The following SPMAP2 variants were observed in gnomAD, a reference collection of about 807,000 sequenced individuals.
The protein encoded by SPMAP2 is sperm microtubule associated protein 2, also known as Theg homolog.
At chr19:368,236 G>A in the SPMAP2 span, among the ~76,000 whole-genome samples, 1 of 152,146 alleles carries the variant, frequency 6.6e-6, no homozygotes, top group African/African-American at 2.4e-5. This position sits in a 1 kb window ranked among gnomAD's most constrained non-coding sequence, Gnocchi z 4.1. Flanking sequence ...GTTCTTTGAT[G>A]CTTTGCACCA....
the SPMAP2 span, among the ~76,000 whole-genome samples, chr19:375,053 C>CCTCTA: frequency 6.6e-6 from 1 of 152,134 alleles, no homozygotes; most frequent in African/African-American, 2.4e-5. Flanking sequence ...ACGGAAACCA[C>CCTCTA]GGTGAGAAGG....
the SPMAP2 span, among the ~76,000 whole-genome samples, chr19:365,821 T>C: frequency 6.6e-6 from 1 of 152,160 alleles, no homozygotes; most frequent in African/African-American, 2.4e-5. Context: ...TCAGTGCACT[T>C]CATTTGCTGG....
the SPMAP2 span, among the ~76,000 whole-genome samples, chr19:366,359 T>C: frequency 1.3e-5 from 2 of 152,228 alleles, no homozygotes; most frequent in South Asian, 2.1e-4. Flanking sequence ...CGTGAGTGCG[T>C]GCGTGTACCA....
the SPMAP2 span, among the ~76,000 whole-genome samples, chr19:374,891 A>G: frequency 0.014 from 2,068 of 152,308 alleles, 19 homozygotes; most frequent in Middle Eastern, 0.044. Flanking sequence ...AAATGCCAGG[A>G]TATCTGCCCT....
At chr19:368,711 C>A in the SPMAP2 span, among the ~76,000 whole-genome samples, 1 of 152,176 alleles carries the variant, frequency 6.6e-6, no homozygotes, top group Non-Finnish European at 1.5e-5. The surrounding 1 kb of genome is among the most constrained non-coding windows in gnomAD (Gnocchi z 4.1). Context: ...GAAATTGCTC[C>A]CCCATAAAAA....
the SPMAP2 span, among the ~76,000 whole-genome samples, chr19:369,687 G>A: frequency 1.2e-3 from 181 of 152,348 alleles, no homozygotes; most frequent in African/African-American, 4.1e-3. Flanking sequence ...GGCTGAGTCC[G>A]AAAAGAGAGT....
the SPMAP2 span, among the ~76,000 whole-genome samples, chr19:364,157 T>A: frequency 6.8e-6 from 1 of 146,908 alleles, no homozygotes; most frequent in African/African-American, 2.5e-5. Context: ...CACGGTGAAA[T>A]CCCATCTCTA....
chr19:369,349 G>C, the SPMAP2 span, among the ~76,000 whole-genome samples: 3 of 151,846 alleles, frequency 2.0e-5, no homozygotes, highest in Non-Finnish European at 2.9e-5. Context: ...ATCCCCGCCC[G>C]GAGAATGCAA....
the SPMAP2 span, among the ~76,000 whole-genome samples, chr19:364,055 T>C: frequency 0.037 from 5,570 of 151,070 alleles, 129 homozygotes; most frequent in Non-Finnish European, 0.047. Context: ...ATATTTCGGT[T>C]GGGCGCGGTG....
chr19:366,307 T>G, the SPMAP2 span, among the ~76,000 whole-genome samples: 1 of 152,274 alleles, frequency 6.6e-6, no homozygotes, highest in East Asian at 1.9e-4. Flanking sequence ...TGTGTACCAG[T>G]GTATCGATGT....
chr19:362,758 T>TCCA, the SPMAP2 span, among the ~76,000 whole-genome samples: 2 of 97,012 alleles, frequency 2.1e-5, no homozygotes, highest in African/African-American at 9.4e-5. Flanking sequence ...AGAGCAAGAC[T>TCCA]CCATCTTAAA....
chr19:366,006 T>C, the SPMAP2 span, among the ~76,000 whole-genome samples: 9 of 152,036 alleles, frequency 5.9e-5, no homozygotes, highest in Admixed American at 5.2e-4. Flanking sequence ...CCAGGAGTGA[T>C]GGCAGGCTCC....
the SPMAP2 span, among the ~76,000 whole-genome samples, chr19:371,502 G>C: frequency 1.3e-5 from 2 of 152,108 alleles, no homozygotes; most frequent in Non-Finnish European, 2.9e-5. Context: ...TGGGAGAGTG[G>C]TGAGTTTTGA....
At chr19:374,278 C>T in the SPMAP2 span, 526 of 1,612,400 alleles carry the variant, frequency 3.3e-4, no homozygotes, top group Non-Finnish European at 4.1e-4. Context: ...CCTACGAGGC[C>T]GTGGTCTGGC....
chr19:374,477 G>A, the SPMAP2 span: 34 of 1,610,242 alleles, frequency 2.1e-5, no homozygotes, highest in South Asian at 4.4e-5. Context: ...GATGCGTTTG[G>A]GAGCCCAGAG....
chr19:373,653 T>C, the SPMAP2 span: 1 of 738,586 alleles, frequency 1.4e-6, no homozygotes, highest in Non-Finnish European at 2.2e-6. Flanking sequence ...GGAGAGGGGG[T>C]AGGCCAGAGA....
At chr19:372,241 T>C in the SPMAP2 span, among the ~76,000 whole-genome samples, 4 of 152,264 alleles carry the variant, frequency 2.6e-5, no homozygotes, top group African/African-American at 9.6e-5. Context: ...GCACAGGGGC[T>C]GTAAGTGGTA....
chr19:362,142 A>G, the SPMAP2 span: 1 of 1,300,754 alleles, frequency 7.7e-7, no homozygotes. Flanking sequence ...CAAAAAGCTC[A>G]GAATAATCAC....
the SPMAP2 span, among the ~76,000 whole-genome samples, chr19:366,638 T>C: frequency 1.7e-4 from 26 of 152,264 alleles, no homozygotes; most frequent in African/African-American, 6.3e-4. Context: ...CTGCTCCCAA[T>C]CTACAACTCC....
Sources: allele counts gnomAD v4.1 joint callset (sites outside exome capture counted in the v4.1 genomes callset), GRCh38; gene constraint gnomAD v4.1.1; non-coding constraint Gnocchi (gnomAD v3.1); transcripts MANE v1.5; gene names NCBI Gene and HGNC (gene_info 2026-07-23, HGNC 2026-07-21).